SHB: variants seen among roughly 807,000 people sequenced by gnomAD.
SHB encodes SH2 domain-containing adapter protein B.
SHB carries 20 observed loss-of-function variants against 52.3 expected under a neutral mutation model. That is an observed-to-expected ratio of 0.38 (90% confidence interval 0.27 to 0.56). SHB has a LOEUF of 0.56. Among genes scored for constraint, SHB ranks in the 20% least tolerant of loss-of-function variants. The pLI is 0.71. For synonymous variants in SHB, 397 were observed against 316.5 expected (o/e 1.25, Z -2.70); for missense variants, 825 against 723.3 (o/e 1.14, Z -1.61).
intron 1 of SHB, among the ~76,000 whole-genome samples, chr9:38,019,944 T>C (rs1198986631): frequency 1.3e-5 from 2 of 152,174 alleles, no homozygotes; most frequent in Non-Finnish European, 2.9e-5. Context: ...CAGCACTCCA[T>C]GACATAGCTC....
intron 2 of SHB, among the ~76,000 whole-genome samples, chr9:37,991,997 T>C (rs969170313): frequency 3.9e-5 from 6 of 151,998 alleles, no homozygotes; most frequent in South Asian, 2.1e-4. Context: ...GTGGCTAGAG[T>C]AGGTAAAGGA....
rs76975609 is a variant in SHB, at chr9:38,023,352, G to A, written c.718-7221C>T. 1.2e-4 allele frequency among the ~76,000 whole-genome samples: 18 copies of A among 152,266 alleles called. 1 individual carries two copies. Among genetic ancestry groups the A allele is most frequent in the African/African-American group, 4.3e-4 (18 of 41,548 alleles). On this transcript the variant is annotated intron_variant, in intron 1 of 5. Transcript: ENST00000377707. ...TTTGCCTTCTCAGCTTCACATAAAC[G>A]TTGTAAGGAGCAAATAATCAGATGA...
intron 5 of SHB, among the ~76,000 whole-genome samples, chr9:37,927,003 G>A (rs1037926886): frequency 3.9e-5 from 6 of 152,222 alleles, no homozygotes; most frequent in African/African-American, 1.2e-4. Context: ...GCCTCCCAAG[G>A]AAGCTGGGAG....
At chr9:38,040,969 G>T (rs1821567882) in intron 1 of SHB, among the ~76,000 whole-genome samples, 1 of 152,006 alleles carries the variant, frequency 6.6e-6, no homozygotes, top group Non-Finnish European at 1.5e-5. Flanking sequence ...GGAAGATACT[G>T]CCCCAGGGAC....
chr9:38,058,925 G>A (rs1821855909), intron 1 of SHB, among the ~76,000 whole-genome samples: 1 of 152,152 alleles, frequency 6.6e-6, no homozygotes, highest in South Asian at 2.1e-4. Context: ...ATTCACGTTT[G>A]CCATCGCCTC....
At chr9:38,038,883 C>T (rs1362953980) in intron 1 of SHB, among the ~76,000 whole-genome samples, 4 of 152,124 alleles carry the variant, frequency 2.6e-5, no homozygotes, top group Non-Finnish European at 5.9e-5. Flanking sequence ...CAGATGGAAC[C>T]CCGGAGAGGG....
chr9:37,930,645 T>G (rs1832302632), intron 5 of SHB, among the ~76,000 whole-genome samples: 1 of 152,218 alleles, frequency 6.6e-6, no homozygotes, highest in East Asian at 1.9e-4. Flanking sequence ...CAAAGCACCT[T>G]ATCTAACTTA....
intron 5 of SHB, among the ~76,000 whole-genome samples, chr9:37,939,074 A>T (rs1201610719): frequency 1.3e-5 from 2 of 152,008 alleles, no homozygotes; most frequent in Non-Finnish European, 2.9e-5. Context: ...TTCTACTCCC[A>T]CTGCCCTAGT....
rs57426743 is a variant in SHB at position 38,032,625 on chromosome 9, G to C, written c.718-16494C>G. On this transcript the variant is annotated intron_variant, in intron 1 of 5. Transcript: ENST00000377707. Reference sequence around the variant, plus strand: ...CCTGCCCTGCCCGGGCCACACCTGGGGAAGCAGTGCTTCCGCCTGCAGCCT... The same window carrying C: ...CCTGCCCTGCCCGGGCCACACCTGGCGAAGCAGTGCTTCCGCCTGCAGCCT... Among the ~76,000 whole-genome samples the C allele has an allele frequency of 7.8e-3, 1,184 of 152,248 alleles. 12 individuals carry two copies. Among genetic ancestry groups the C allele is most frequent in the African/African-American group, 0.027 (1,110 of 41,524 alleles).
chr9:38,060,363 C>G (rs1214398804), intron 1 of SHB, among the ~76,000 whole-genome samples: 1 of 152,048 alleles, frequency 6.6e-6, no homozygotes, highest in Non-Finnish European at 1.5e-5. Context: ...TTAATAGAGA[C>G]AGTGTTTCAC....
At chr9:38,060,101 C>A (rs986591756) in intron 1 of SHB, among the ~76,000 whole-genome samples, 1 of 152,176 alleles carries the variant, frequency 6.6e-6, no homozygotes, top group African/African-American at 2.4e-5. Context: ...TAGTATGGCA[C>A]AGTGGTTACA....
intron 1 of SHB, among the ~76,000 whole-genome samples, chr9:38,052,355 C>T (rs1821762659): frequency 6.6e-6 from 1 of 152,242 alleles, no homozygotes; most frequent in Non-Finnish European, 1.5e-5. Context: ...AGAGCCATTC[C>T]CGGCTCAGAC....
At chr9:37,981,301 C>G (rs541538136) in intron 2 of SHB, among the ~76,000 whole-genome samples, 6 of 152,366 alleles carry the variant, frequency 3.9e-5, no homozygotes, top group South Asian at 4.1e-4. Context: ...TCAGCACTTG[C>G]TGCTTCACCA....
intron 4 of SHB, among the ~76,000 whole-genome samples, chr9:37,951,396 T>A (rs1391937799): frequency 6.6e-6 from 1 of 152,338 alleles, no homozygotes; most frequent in South Asian, 2.1e-4. Context: ...TGAAGGTCCA[T>A]GTTATGCTTT....
chr9:38,038,895 G>GT (rs1821527317), intron 1 of SHB, among the ~76,000 whole-genome samples: 1 of 152,190 alleles, frequency 6.6e-6, no homozygotes, highest in South Asian at 2.1e-4. Context: ...CGGAGAGGGA[G>GT]TGTGTGCCAA....
intron 1 of SHB, among the ~76,000 whole-genome samples, chr9:38,052,321 C>T (rs1406479726): frequency 6.6e-6 from 1 of 152,188 alleles, no homozygotes; most frequent in African/African-American, 2.4e-5. Flanking sequence ...TACAAGGCCT[C>T]CTCCGCCCAA....
In SHB at chr9:37,975,752, T is replaced by C. The variant is rs113999339; in HGVS notation, c.839-915A>G. On this transcript the variant is annotated intron_variant, in intron 2 of 5. Transcript: ENST00000377707. ...ATGTGGGGAAGGTTTACCATGGAGG[T>C]TGGTTTCAGGAACCTCACTGTTCCC... Among the ~76,000 whole-genome samples the C allele has an allele frequency of 3.6e-3, 544 of 152,064 alleles. 6 individuals are homozygous for C. Among genetic ancestry groups the C allele is most frequent in the African/African-American group, 0.013 (519 of 41,472 alleles).
At chr9:38,039,939 T>A (rs553846000) in intron 1 of SHB, among the ~76,000 whole-genome samples, 1 of 152,246 alleles carries the variant, frequency 6.6e-6, no homozygotes, top group South Asian at 2.1e-4. Flanking sequence ...GGCCCCAGTC[T>A]TATTTTAAGC....
chr9:38,041,610 T>C (rs1054758789), intron 1 of SHB, among the ~76,000 whole-genome samples: 3 of 151,930 alleles, frequency 2.0e-5, no homozygotes, highest in Admixed American at 6.6e-5. Flanking sequence ...GAAAACCTCA[T>C]TGGGGGTGGT....
Sources: gnomAD v4.1 joint callset for allele counts (sites outside exome capture counted in the v4.1 genomes callset) on GRCh38, gnomAD v4.1.1 for gene constraint, MANE v1.5 for transcripts, NCBI Gene and HGNC (gene_info 2026-07-23, HGNC 2026-07-21) for gene names.